The following ANKS1A variants were observed in gnomAD, a reference collection of about 807,000 sequenced individuals.
ANKS1A encodes ankyrin repeat and SAM domain-containing protein 1A.
In ANKS1A, 55 loss-of-function variants were observed where a neutral mutation model predicts 120.3. That is an observed-to-expected ratio of 0.46 (90% CI 0.37 to 0.57). The LOEUF is 0.57. ANKS1A is among the 20% of genes least tolerant of loss of function. ANKS1A has a pLI of 0.00. For synonymous variants in ANKS1A, 590 were observed against 604.7 expected, an observed-to-expected ratio of 0.98 and a Z score of 0.36; for missense variants, 1,123 against 1,480.3, an observed-to-expected ratio of 0.76 and a Z score of 3.96.
At position 34,982,145 on chromosome 6, in the gene ANKS1A, C is replaced by A. The variant is rs988380972; in HGVS notation, c.732+159C>A. ...CTCATTCTAATGTGACACTAAGAAA[C>A]AAATGAACTCCTCAAGCAAGTCTAT... On this transcript the variant is annotated intron_variant, in intron 4 of 23. Transcript: ENST00000360359. This position sits in a 1 kb window ranked among gnomAD's most constrained non-coding sequence, Gnocchi z 4.9. Among the ~76,000 whole-genome samples, 9 of 152,160 alleles carry A rather than the reference C, an allele frequency of 5.9e-5. No homozygotes were observed. The highest frequency in any genetic ancestry group is 2.2e-4 in the African/African-American group (9 of 41,428).
At chr6:34,966,272 T>C (rs769331730) in intron 1 of ANKS1A, among the ~76,000 whole-genome samples, 1 of 152,196 alleles carries the variant, frequency 6.6e-6, no homozygotes, top group Non-Finnish European at 1.5e-5. Flanking sequence ...ACTCCAAGAA[T>C]GGCTTAATAT....
chr6:35,097,763 A>T, the ANKS1A span, among the ~76,000 whole-genome samples: 563 of 152,238 alleles, frequency 3.7e-3, no homozygotes, highest in Non-Finnish European at 6.4e-3. Flanking sequence ...ATTCAAGGCC[A>T]CTTGGAGACT....
chr6:34,975,015 T>C (rs1168729613), intron 3 of ANKS1A, among the ~76,000 whole-genome samples: 1 of 152,254 alleles, frequency 6.6e-6, no homozygotes, highest in African/African-American at 2.4e-5. Flanking sequence ...GGTAAGACTT[T>C]GGTTCTTGAA....
In ANKS1A at chr6:34,897,582, C is replaced by T. The variant is rs569740830; in HGVS notation, c.197+7983C>T. On this transcript the variant is annotated intron_variant, in intron 1 of 23. Transcript: ENST00000360359. ...GAGCTCTCAGAAAATATTTCCCACA[C>T]TGATTTCCAAAGGATTATTGGGAGA... Among the ~76,000 whole-genome samples the T allele has an allele frequency of 4.6e-5, 7 of 152,184 alleles. No homozygotes were observed. The South Asian group carries it at 1.2e-3, about 27-fold the overall frequency.
chr6:35,072,798 A>G (rs1386100968), intron 13 of ANKS1A, among the ~76,000 whole-genome samples: 2 of 152,182 alleles, frequency 1.3e-5, no homozygotes, highest in African/African-American at 4.8e-5. Context: ...GGGAGGCAGC[A>G]TTGGCTCTCA....
intron 11 of ANKS1A, among the ~76,000 whole-genome samples, chr6:35,028,112 ATGT>A (rs562085580): frequency 5.8e-4 from 88 of 152,338 alleles, no homozygotes; most frequent in African/African-American, 2.0e-3. Flanking sequence ...CTCAGCTGAA[ATGT>A]TGTGGTTTGT....
intron 1 of ANKS1A, among the ~76,000 whole-genome samples, chr6:34,893,927 G>GA (rs918816222): frequency 5.3e-5 from 8 of 151,672 alleles, no homozygotes; most frequent in African/African-American, 1.2e-4. Context: ...AGTGAAAGAA[G>GA]AAAAAAAATA....
At chr6:34,947,162 T>TTTC (rs1223689367) in intron 1 of ANKS1A, among the ~76,000 whole-genome samples, 1 of 149,202 alleles carries the variant, frequency 6.7e-6, no homozygotes, top group Non-Finnish European at 1.5e-5. Flanking sequence ...TTTTTTTTTT[T>TTTC]TGAGATGGAG....
chr6:34,895,965 T>G (rs1767063765), intron 1 of ANKS1A, among the ~76,000 whole-genome samples: 2 of 151,758 alleles, frequency 1.3e-5, no homozygotes, highest in African/African-American at 4.8e-5. Context: ...GGGATTTCAC[T>G]GTGTTGCCCA....
intron 1 of ANKS1A, among the ~76,000 whole-genome samples, chr6:34,930,770 C>T (rs1169852426): frequency 6.6e-6 from 1 of 152,142 alleles, no homozygotes; most frequent in East Asian, 1.9e-4. Flanking sequence ...ACCACAGCCA[C>T]TGATGTAGCT....
intron 10 of ANKS1A, among the ~76,000 whole-genome samples, chr6:35,004,922 G>T (rs531490126): frequency 5.0e-4 from 76 of 152,238 alleles, no homozygotes; most frequent in Middle Eastern, 3.4e-3. Context: ...GCTAACGTGG[G>T]ATTATATTTT....
chr6:35,008,237 C>CA (rs34346434), intron 10 of ANKS1A, among the ~76,000 whole-genome samples: 122,929 of 151,956 alleles, frequency 0.81, 50,718 homozygotes, highest in Non-Finnish European at 0.9. Flanking sequence ...TTTAAATAGA[C>CA]GGGGTCTCGC....
intron 11 of ANKS1A, among the ~76,000 whole-genome samples, chr6:35,027,765 A>C (rs1432074726): frequency 6.6e-6 from 1 of 152,132 alleles, no homozygotes; most frequent in South Asian, 2.1e-4. Flanking sequence ...CTCCCTGCCT[A>C]GGGCTCCTTT....
intron 1 of ANKS1A, among the ~76,000 whole-genome samples, chr6:34,914,030 G>A (rs2395603): frequency 0.14 from 21,444 of 152,154 alleles, 1,764 homozygotes; most frequent in African/African-American, 0.22. Context: ...TCATTCTCCC[G>A]CCTCAGCCTC....
At chr6:34,995,733 T>C (rs1039088954) in intron 10 of ANKS1A, among the ~76,000 whole-genome samples, 6 of 152,248 alleles carry the variant, frequency 3.9e-5, no homozygotes, top group East Asian at 1.9e-4. Context: ...TCATTGCATA[T>C]ATCAATAATT....
chr6:34,968,793 C>CAAGGA (rs1216505857), intron 2 of ANKS1A, among the ~76,000 whole-genome samples: 6 of 151,796 alleles, frequency 4.0e-5, no homozygotes, highest in South Asian at 2.1e-4. Flanking sequence ...TTTTGCTGAG[C>CAAGGA]AAGGAGCTCC....
downstream of ANKS1A, among the ~76,000 whole-genome samples, chr6:35,094,632 A>G (rs899117602): frequency 2.0e-5 from 3 of 152,218 alleles, no homozygotes; most frequent in South Asian, 6.2e-4. Flanking sequence ...AACTAAAAAA[A>G]TACAATAACC....
chr6:35,092,981 C>T (rs1191242888), downstream of ANKS1A, among the ~76,000 whole-genome samples: 2 of 152,026 alleles, frequency 1.3e-5, no homozygotes, highest in Non-Finnish European at 2.9e-5. Context: ...TCTAGTCAGC[C>T]ATGGCCACCC....
chr6:35,088,792 C>G lies in ANKS1A; in HGVS notation c.*183C>G. 2.0e-6 allele frequency: 3 copies of G among 1,516,174 alleles called. No homozygotes were observed. The South Asian group carries it at 3.7e-5, about 19-fold the overall frequency. 93.9% of individuals were successfully genotyped at this position (1,516,174 alleles called of 1,614,324 possible). A position where few individuals can be genotyped will look rare whatever the true frequency, so the allele number is the denominator to read the frequency against. On this transcript the variant is annotated 3_prime_UTR_variant, in exon 24 of 24. Coordinates refer to ENST00000360359, the MANE Select transcript of ANKS1A (RefSeq NM_015245.3). ...CCACGTCCTGCAGAACGAGCCCTGC[C>G]TTGGCTGTGGAGAAGCACTCCAGGC...
Sources: gnomAD v4.1 joint callset for allele counts (sites outside exome capture counted in the v4.1 genomes callset) on GRCh38, gnomAD v4.1.1 for gene constraint, Gnocchi (gnomAD v3.1) non-coding constraint, MANE v1.5 for transcripts, NCBI Gene and HGNC (gene_info 2026-07-23, HGNC 2026-07-21) for gene names.